Variants in PIK3CA observed in about 807,000 individuals in gnomAD.
The protein encoded by PIK3CA is phosphatidylinositol 4,5-bisphosphate 3-kinase catalytic subunit alpha isoform.
PIK3CA carries 27 observed loss-of-function variants against 138.2 expected under a neutral mutation model. The ratio of observed to expected loss-of-function variants is 0.20; its 90% CI spans 0.14 to 0.27. The LOEUF (loss-of-function observed/expected upper bound fraction) is 0.27, where lower values mean the gene tolerates loss of function less well. Among genes scored for constraint, PIK3CA ranks in the 10% least tolerant of loss-of-function variants. The probability of loss-of-function intolerance (pLI) is 1.00; values close to 1 mark genes in which losing one functional copy is unlikely to be tolerated. For missense variants in PIK3CA, 544 were observed against 1,277.4 expected, an observed-to-expected ratio of 0.43 and a Z score of 8.75; for synonymous variants, 358 against 413.2, an observed-to-expected ratio of 0.87 and a Z score of 1.62.
chr3:179,158,698 CAT>C, intron 1 of PIK3CA, among the ~76,000 whole-genome samples: 1 of 152,252 alleles, frequency 6.6e-6, no homozygotes, highest in East Asian at 1.9e-4. Context: ...ACTCAATGGA[CAT>C]GTGTAAACTT....
rs1576931874 is a variant in PIK3CA at position 179,198,865 on chromosome 3, C to T, written c.40C>T (p.His14Tyr). Residue 14 changes from histidine to tyrosine, a missense_variant, in exon 2 of 21, where the codon CAC becomes TAC. By Grantham distance (83) the His-to-Tyr change is moderately conservative. This residue lies in a region of PIK3CA where 47 missense variants were observed against 84.0 expected (regional missense o/e 0.56). Transcript: ENST00000263967. Reference protein sequence around the residue: ...RPSSGELWGIHLMPPRILVEC... With the variant: ...RPSSGELWGIYLMPPRILVEC... ...ATCATCAGGTGAACTGTGGGGCATC[C>T]ACTTGATGCCCCCAAGAATCCTAGT... is the stretch of plus-strand genomic sequence containing the variant. 6.3e-7 allele frequency: 1 copy of T among 1,581,222 alleles called. No individual in the cohort carries two copies.
intron 1 of PIK3CA, among the ~76,000 whole-genome samples, chr3:179,168,867 C>A (rs1340274969): frequency 1.3e-5 from 2 of 151,960 alleles, no homozygotes; most frequent in East Asian, 3.9e-4. Flanking sequence ...GAAATGATAC[C>A]TTTATCATGT....
chr3:179,234,212 A>G lies in PIK3CA; in HGVS notation c.3055A>G (p.Ile1019Val), dbSNP rs1328031338. ...GMPELQSFDDIAYIRKTLALD... is the reference protein window; with the variant it reads ...GMPELQSFDDVAYIRKTLALD... ...GCCAGAACTACAATCTTTTGATGAC[A>G]TTGCATACATTCGAAAGACCCTAGC... Residue 1019 changes from isoleucine (I) to valine (V), a missense_variant, in exon 21 of 21, where the codon ATT becomes GTT. Transcript: ENST00000263967. The surrounding 1 kb of genome is among the most constrained non-coding windows in gnomAD (Gnocchi z 5.1). 1 of 1,613,692 alleles carries G rather than the reference A, an allele frequency of 6.2e-7. No individual in the cohort carries two copies. Among genetic ancestry groups the G allele is most frequent in the Non-Finnish European group, 8.5e-7 (1 of 1,179,804 alleles).
chr3:179,189,072 G>T (rs1399654555), intron 1 of PIK3CA, among the ~76,000 whole-genome samples: 1 of 151,996 alleles, frequency 6.6e-6, no homozygotes, highest in Non-Finnish European at 1.5e-5. Flanking sequence ...AAGTTAGCTG[G>T]GCATGGTAGC....
rs2108399407 is a variant in PIK3CA at position 179,209,684 on chromosome 3, G to A, written c.1235G>A (p.Arg412Gln). 1 of 1,604,298 alleles carries A rather than the reference G, an allele frequency of 6.2e-7. No individual in the cohort carries two copies. The highest frequency in any genetic ancestry group is 8.5e-7 in the Non-Finnish European group (1 of 1,172,538). ...CTTTCCATTTGCTCTGTTAAAGGCC[G>A]AAAGGGTGCTAAAGAGGTAAAGTAT... ...LCLSICSVKG[R>Q]KGAKEEHCPL... Residue 412 changes from arginine to glutamine, a missense_variant, in exon 7 of 21, where the codon CGA (arginine) becomes CAA (glutamine). Transcript: ENST00000263967.
intron 1 of PIK3CA, among the ~76,000 whole-genome samples, chr3:179,172,071 G>A (rs1032801752): frequency 3.9e-5 from 6 of 151,992 alleles, no homozygotes; most frequent in African/African-American, 1.4e-4. Context: ...TCCCAGCAAT[G>A]CAAGGCTCAC....
chr3:179,204,621 G>A (rs200300433), intron 6 of PIK3CA, 33 bp downstream of exon 6: 228 of 1,059,332 alleles, frequency 2.2e-4, no homozygotes, highest in Non-Finnish European at 1.0e-4. Context: ...ATTTCCAAAG[G>A]TTATATTAGT....
rs976434651 is a variant in PIK3CA, at chr3:179,148,439, G to A, written c.-241G>A. On this transcript the variant is annotated 5_prime_UTR_variant, in exon 1 of 21. Coordinates refer to ENST00000263967, the MANE Select transcript of PIK3CA (RefSeq NM_006218.4). ...TGGGACTGGGGCTGGGGCCGCCGGC[G>A]AGGCAGGGCTCGGGCCCGGCCGGGC... 1.3e-5 allele frequency: 2 copies of A among 150,964 alleles called. No homozygotes were observed. Among genetic ancestry groups the A allele is most frequent in the African/African-American group, 4.9e-5 (2 of 41,228 alleles). 9.4% of individuals were successfully genotyped at this position (150,964 alleles called of 1,614,324 possible).
chr3:179,234,225 G>A lies in PIK3CA; in HGVS notation c.3068G>A (p.Arg1023Gln), dbSNP rs2108429549. 1 of 1,613,716 alleles carries A rather than the reference G, an allele frequency of 6.2e-7. No homozygotes were observed. The highest frequency in any genetic ancestry group is 8.5e-7 in the Non-Finnish European group (1 of 1,179,760). The change falls in exon 21 of 21, where the codon CGA becomes CAA. Residue 1023 changes from arginine (R) to glutamine (Q), a missense_variant. Around this residue, in one of 14 missense-constraint regions of PIK3CA, gnomAD observed 12 missense variants for 75.3 expected, o/e 0.16. Transcript: ENST00000263967. This position sits in a 1 kb window ranked among gnomAD's most constrained non-coding sequence, Gnocchi z 5.1. Reference sequence around the variant, plus strand: ...TCTTTTGATGACATTGCATACATTCGAAAGACCCTAGCCTTAGATAAAACT... The same window carrying A: ...TCTTTTGATGACATTGCATACATTCAAAAGACCCTAGCCTTAGATAAAACT... ...LQSFDDIAYI[R>Q]KTLALDKTEQ...
chr3:179,214,304 G>A (rs181186665), intron 9 of PIK3CA, among the ~76,000 whole-genome samples: 2 of 152,254 alleles, frequency 1.3e-5, no homozygotes, highest in African/African-American at 4.8e-5. Context: ...AGCAAGAGAC[G>A]TGGCACTCTT....
chr3:179,190,937 C>T (rs773295108), intron 1 of PIK3CA, among the ~76,000 whole-genome samples: 6 of 152,122 alleles, frequency 3.9e-5, no homozygotes, highest in Admixed American at 6.5e-5. Context: ...TCTTGCTCTG[C>T]GGATAAAGTC....
At chr3:179,199,974 C>A (rs1216644538) in intron 3 of PIK3CA, 75 bp downstream of exon 3, 2 of 689,358 alleles carry the variant, frequency 2.9e-6, no homozygotes, top group Non-Finnish European at 2.3e-6. Context: ...TTTGTATAGT[C>A]TTTTTTTTTT....
intron 4 of PIK3CA, among the ~76,000 whole-genome samples, chr3:179,202,143 C>T (rs977883699): frequency 6.6e-6 from 1 of 152,168 alleles, no homozygotes; most frequent in Admixed American, 6.5e-5. Flanking sequence ...TGGCTTACTG[C>T]AGCATCAGCC....
intron 1 of PIK3CA, among the ~76,000 whole-genome samples, chr3:179,162,313 A>G (rs148247074): frequency 9.2e-5 from 14 of 152,278 alleles, no homozygotes; most frequent in African/African-American, 3.4e-4. Flanking sequence ...GAAATTATCT[A>G]CAAGTAGATA....
intron 14 of PIK3CA, among the ~76,000 whole-genome samples, 155 bp from the exon 15 acceptor site, chr3:179,223,926 G>A (rs1725022990): frequency 6.6e-6 from 1 of 152,170 alleles, no homozygotes; most frequent in African/African-American, 2.4e-5. Context: ...GCTGCTCTGT[G>A]TTGTAGAAAC....
At chr3:179,232,480 T>C (rs1237604885) in intron 20 of PIK3CA, among the ~76,000 whole-genome samples, 32 of 152,170 alleles carry the variant, frequency 2.1e-4, no homozygotes, top group Non-Finnish European at 1.5e-5. Flanking sequence ...TGCTTTTGTG[T>C]GTATCTGCTG....
intron 1 of PIK3CA, among the ~76,000 whole-genome samples, chr3:179,175,746 A>G (rs1252202599): frequency 1.5e-5 from 2 of 135,542 alleles, no homozygotes; most frequent in African/African-American, 2.8e-5. Flanking sequence ...CTCTGGTCTT[A>G]TTGGTTCCTC....
intron 1 of PIK3CA, among the ~76,000 whole-genome samples, chr3:179,165,509 C>T (rs1201390449): frequency 2.0e-5 from 3 of 152,088 alleles, no homozygotes; most frequent in African/African-American, 4.8e-5. Context: ...CTCCCACCTC[C>T]ACCTCCCAAA....
In PIK3CA at chr3:179,201,369, CTG is replaced by C; in HGVS notation, c.646_647del (p.Val216ThrfsTer7). Reference protein sequence around the residue: ...QKYTLKINHDCVPEQVIAEAI... With the variant: ...QKYTLKINHDXVPEQVIAEAI... ...AGTATACTCTGAAAATCAACCATGA[CTG>C]TGTACCAGAACAAGTAATTGCTGAA... On this transcript the variant is annotated frameshift_variant, in exon 4 of 21. Coordinates refer to ENST00000263967, the MANE Select transcript of PIK3CA (RefSeq NM_006218.4). LOFTEE classifies it high-confidence loss of function. 6.2e-7 allele frequency: 1 copy of C among 1,613,442 alleles called. No homozygotes were observed. Among genetic ancestry groups the C allele is most frequent in the South Asian group, 1.1e-5 (1 of 91,076 alleles).
Sources: gnomAD v4.1 joint callset for allele counts (sites outside exome capture counted in the v4.1 genomes callset) on GRCh38, gnomAD v4.1.1 for gene constraint, gnomAD v4.1.1 regional missense constraint, Gnocchi (gnomAD v3.1) non-coding constraint, MANE v1.5 for transcripts, NCBI Gene and HGNC (gene_info 2026-07-23, HGNC 2026-07-21) for gene names.